The following APAF1 variants were observed in gnomAD, a reference collection of about 807,000 sequenced individuals.
The protein encoded by APAF1 is apoptotic protease-activating factor 1.
Under a neutral mutation model 152.4 loss-of-function variants are expected in APAF1, and 91 were observed. The observed-to-expected ratio is 0.60, with a 90% confidence interval of 0.50 to 0.71. The LOEUF (loss-of-function observed/expected upper bound fraction) is 0.71. APAF1 is among the 30% of genes least tolerant of loss of function. APAF1 has a pLI of 0.00. For synonymous variants in APAF1, 484 were observed against 494.1 expected (o/e 0.98, Z 0.27); for missense variants, 1,283 against 1,472.0 (o/e 0.87, Z 2.10).
In APAF1 at chr12:98,731,090, G is replaced by A. The variant is rs545604986; in HGVS notation, c.3601-1330G>A. Among the ~76,000 whole-genome samples the A allele has an allele frequency of 1.2e-4, 18 of 152,302 alleles. No individual in the cohort carries two copies. The South Asian group carries it at 1.5e-3, about 12-fold the overall frequency. ...TTTGGCCTTGAGATAGGCTGCCTGAGTTCAAAGCCTGCCTCTGCCACTCAT... is the reference window on the plus strand; with the variant it reads ...TTTGGCCTTGAGATAGGCTGCCTGAATTCAAAGCCTGCCTCTGCCACTCAT... On this transcript the variant is annotated intron_variant, in intron 26 of 26. Coordinates refer to ENST00000551964, the MANE Select transcript of APAF1 (RefSeq NM_181861.2).
intron 12 of APAF1, among the ~76,000 whole-genome samples, chr12:98,676,844 C>T (rs1351671010): frequency 6.6e-6 from 1 of 152,090 alleles, no homozygotes; most frequent in Non-Finnish European, 1.5e-5. Flanking sequence ...GGTGTTTCGC[C>T]ATGTTGGCCA....
At chr12:98,666,055 A>C in intron 8 of APAF1, 135 bp from the exon 9 acceptor site, 1 of 850,940 alleles carries the variant, frequency 1.2e-6, no homozygotes, top group Non-Finnish European at 1.9e-6. Context: ...GGAGTAGCTG[A>C]GTTTCTTCTT....
chr12:98,646,769 G>A (rs1413469578), intron 1 of APAF1, among the ~76,000 whole-genome samples: 2 of 152,162 alleles, frequency 1.3e-5, no homozygotes, highest in Non-Finnish European at 2.9e-5. Context: ...TGGGTTTTAT[G>A]CCCATGGAAA....
At chr12:98,718,465 T>C (rs1302155611) in intron 22 of APAF1, among the ~76,000 whole-genome samples, 1 of 151,916 alleles carries the variant, frequency 6.6e-6, no homozygotes, top group Non-Finnish European at 1.5e-5. Context: ...GAACTCCTGA[T>C]CTCAAGTGAT....
In APAF1 at chr12:98,666,294, T is replaced by G. The variant is rs773139246; in HGVS notation, c.1299T>G (p.Phe433Leu). The change falls in exon 9 of 27, where the codon TTT becomes TTG. Residue 433 changes from phenylalanine to leucine, a missense_variant. Coordinates refer to ENST00000551964, the MANE Select transcript of APAF1 (RefSeq NM_181861.2). Reference protein sequence around the residue: ...LLFCDRNGKSFRYYLHDLQVD... With the variant: ...LLFCDRNGKSLRYYLHDLQVD... The stretch of plus-strand genomic sequence containing the variant: ...TCTGTGATCGGAATGGAAAGTCGTT[T>G]CGTTATTATTTACATGATCTTCAAG... 2 of 1,613,956 alleles carry G rather than the reference T, an allele frequency of 1.2e-6. No homozygotes were observed. The highest frequency in any genetic ancestry group is 1.1e-5 in the South Asian group (1 of 91,002).
chr12:98,719,486 A>T (rs1455893412), intron 22 of APAF1, among the ~76,000 whole-genome samples: 1 of 150,522 alleles, frequency 6.6e-6, no homozygotes, highest in Non-Finnish European at 1.5e-5. Flanking sequence ...AGTAGCTGGG[A>T]CTACAGGCCC....
chr12:98,700,215 C>T (rs1432512474), intron 17 of APAF1, among the ~76,000 whole-genome samples: 1 of 152,106 alleles, frequency 6.6e-6, no homozygotes, highest in Non-Finnish European at 1.5e-5. Flanking sequence ...GTTACAGTAG[C>T]CCTATGATAA....
At position 98,676,793 on chromosome 12, in the gene APAF1, C is replaced by T. The variant is rs12099797; in HGVS notation, c.1794-632C>T. 7.7e-3 allele frequency among the ~76,000 whole-genome samples: 1,168 copies of T among 152,106 alleles called. 12 individuals are homozygous for T. The highest frequency in any genetic ancestry group is 0.026 in the African/African-American group (1,097 of 41,522). On this transcript the variant is annotated intron_variant, in intron 12 of 26. Coordinates refer to ENST00000551964, the MANE Select transcript of APAF1 (RefSeq NM_181861.2). Reference sequence around the variant, plus strand: ...TCCCAAGTAGCTGGGATTACAGGCACGTGCCACCACACCCAGCTAATTTTT... The same window carrying T: ...TCCCAAGTAGCTGGGATTACAGGCATGTGCCACCACACCCAGCTAATTTTT...
At position 98,735,399 on chromosome 12, in the gene APAF1, T is replaced by C; in HGVS notation, c.*2833T>C. ...AAAATATGAATTTAAAAAATTTTTG[T>C]AAAAATAAAATTCACAAAATTGTTT... On this transcript the variant is annotated 3_prime_UTR_variant, in exon 27 of 27. Coordinates refer to ENST00000551964, the MANE Select transcript of APAF1 (RefSeq NM_181861.2). 2.3e-6 allele frequency: 1 copy of C among 428,738 alleles called. No individual in the cohort carries two copies. The highest frequency in any genetic ancestry group is 7.7e-5 in the South Asian group (1 of 12,986). The allele number at this position is 428,738 out of a possible 1,614,324, so 26.6% of individuals were successfully genotyped here. A position where few individuals can be genotyped will look rare whatever the true frequency, so the allele number is the denominator to read the frequency against.
In APAF1 at chr12:98,666,341, A is replaced by G; in HGVS notation, c.1346A>G (p.Asn449Ser). The change falls in exon 9 of 27, where the codon AAT becomes AGT. Residue 449 changes from asparagine (N) to serine (S), a missense_variant. Coordinates refer to ENST00000551964, the MANE Select transcript of APAF1 (RefSeq NM_181861.2). ...CAAGTAGATTTTCTTACAGAGAAGA[A>G]TTGCAGCCAGCTTCAGGTACTTGCA... ...DLQVDFLTEK[N>S]CSQLQDLHKK... is the part of the protein sequence containing the mutation. 6.2e-7 allele frequency: 1 copy of G among 1,612,852 alleles called. No individual in the cohort carries two copies. The highest frequency in any genetic ancestry group is 8.5e-7 in the Non-Finnish European group (1 of 1,179,690).
At chr12:98,719,989 AACTT>A (rs1291803375) in intron 22 of APAF1, among the ~76,000 whole-genome samples, 4 of 152,176 alleles carry the variant, frequency 2.6e-5, no homozygotes, top group Non-Finnish European at 5.9e-5. Context: ...TTAGTACAGA[AACTT>A]ACTTGTTATA....
chr12:98,665,304 C>A (rs2097671251), intron 7 of APAF1, among the ~76,000 whole-genome samples: 1 of 99,642 alleles, frequency 1.0e-5, no homozygotes, highest in South Asian at 2.9e-4. Flanking sequence ...GTAATGACAT[C>A]TTAGCCAGAT....
rs961947459 is a variant in APAF1 at position 98,665,623 on chromosome 12, C to T, written c.1026C>T (p.Leu342=). The change falls in exon 8 of 27, where the codon CTC becomes CTT. Residue 342 remains leucine (L), a synonymous_variant. Coordinates refer to ENST00000551964, the MANE Select transcript of APAF1 (RefSeq NM_181861.2). ...RDFPNRWEYY[L]KQLQNKQFKR... is the part of the protein sequence containing the mutation. ...TTCCCAATCGCTGGGAGTACTACCT[C>T]AAACAGCTTCAGAATAAGCAGTTTA... 1 of 1,613,630 alleles carries T rather than the reference C, an allele frequency of 6.2e-7. No homozygotes were observed. The highest frequency in any genetic ancestry group is 1.3e-5 in the African/African-American group (1 of 74,804).
chr12:98,653,691 A>ATATATATATATATAT (rs1429273147), intron 4 of APAF1, among the ~76,000 whole-genome samples: 2 of 15,100 alleles, frequency 1.3e-4, no homozygotes, highest in African/African-American at 2.0e-4. Context: ...AAAAAAAAAA[A>ATATATATATATATAT]ATATATATAT....
intron 12 of APAF1, among the ~76,000 whole-genome samples, chr12:98,676,650 G>GTTT (rs34774971): frequency 1.1e-4 from 16 of 145,862 alleles, no homozygotes; most frequent in South Asian, 2.2e-4. Flanking sequence ...GAGAGAAGCA[G>GTTT]TTTTTTTTTT....
In APAF1 at chr12:98,723,624, T is replaced by C. The variant is rs76945651; in HGVS notation, c.3205-15T>C. On this transcript the variant is annotated splice_polypyrimidine_tract_variant and intron_variant, in intron 23 of 26. Transcript: ENST00000551964. Reference sequence around the variant, plus strand: ...AAAAGTGTCAACCTCCAAGTGTTTTTTTTTTTTTTTTAAGGTATGGAATAT... The same window carrying C: ...AAAAGTGTCAACCTCCAAGTGTTTTCTTTTTTTTTTTAAGGTATGGAATAT... 1 of 1,571,646 alleles carries C rather than the reference T, an allele frequency of 6.4e-7. No individual in the cohort carries two copies. The highest frequency in any genetic ancestry group is 1.8e-5 in the Admixed American group (1 of 56,648).
intron 18 of APAF1, 53 bp downstream of exon 18, chr12:98,703,552 G>A (rs1160342276): frequency 3.1e-6 from 5 of 1,610,204 alleles, no homozygotes; most frequent in South Asian, 1.1e-5. Flanking sequence ...ATCAAAGGAT[G>A]ACAGAGAATG....
At position 98,648,808 on chromosome 12, in the gene APAF1, T is replaced by C; in HGVS notation, c.321T>C (p.Thr107=). Residue 107 remains threonine, a synonymous_variant, in exon 3 of 27, where the codon ACT becomes ACC. Coordinates refer to ENST00000551964, the MANE Select transcript of APAF1 (RefSeq NM_181861.2). ...GTAAAGATTCAGTTAGTGGAATAAC[T>C]TCGTATGGTTTGTATCCATTATACC... ...SSGKDSVSGI[T]SYVRTVLCEG... 1.9e-6 allele frequency: 3 copies of C among 1,613,710 alleles called. No individual in the cohort carries two copies. Among genetic ancestry groups the C allele is most frequent in the South Asian group, 2.2e-5 (2 of 91,078 alleles).
At position 98,723,620 on chromosome 12, in the gene APAF1, T is replaced by C; in HGVS notation, c.3205-19T>C. On this transcript the variant is annotated intron_variant, in intron 23 of 26. Transcript: ENST00000551964. ...TCTTAAAAGTGTCAACCTCCAAGTGTTTTTTTTTTTTTTTTAAGGTATGGA... is the reference window on the plus strand; with the variant it reads ...TCTTAAAAGTGTCAACCTCCAAGTGCTTTTTTTTTTTTTTTAAGGTATGGA... The C allele has an allele frequency of 4.6e-5, 16 of 344,290 alleles. No individual in the cohort carries two copies. The highest frequency in any genetic ancestry group is 6.3e-5 in the Non-Finnish European group (15 of 239,330). 21.3% of individuals were successfully genotyped at this position (344,290 alleles called of 1,614,324 possible).
Sources: gnomAD v4.1 joint callset for allele counts (sites outside exome capture counted in the v4.1 genomes callset) on GRCh38, gnomAD v4.1.1 for gene constraint, MANE v1.5 for transcripts, NCBI Gene and HGNC (gene_info 2026-07-23, HGNC 2026-07-21) for gene names.